The following TRIM37 variants were observed in gnomAD, a reference collection of about 807,000 sequenced individuals.
The protein encoded by TRIM37 is E3 ubiquitin-protein ligase TRIM37.
In TRIM37, 80 loss-of-function variants were observed where a neutral mutation model predicts 129.8. The ratio of observed to expected loss-of-function variants is 0.62; its 90% CI spans 0.51 to 0.74. The LOEUF is 0.74. Among genes scored for constraint, TRIM37 ranks in the 30% least tolerant of loss-of-function variants. The pLI is 0.00. For synonymous variants in TRIM37, 389 were observed against 387.1 expected (o/e 1.00, Z -0.06); for missense variants, 1,054 against 1,176.5 (o/e 0.90, Z 1.52).
intron 24 of TRIM37, chr17:58,984,049 G>C (rs895217012): frequency 6.6e-6 from 1 of 152,566 alleles, no homozygotes; most frequent in Admixed American, 6.5e-5. Flanking sequence ...TCCCATTTAG[G>C]TCTGTACTAA....
chr17:59,022,069 A>G lies in TRIM37; in HGVS notation c.2258-4645T>C, dbSNP rs574094340. Among the ~76,000 whole-genome samples, 90 of 152,310 alleles carry G rather than the reference A, an allele frequency of 5.9e-4. 1 individual carries two copies. In the Middle Eastern group the frequency reaches 0.01, roughly 17 times the overall value. ...TACAGCATAGGAGCAAATAACATATAGTTAAAATAATTTTATAGCATAGAA... is the reference window on the plus strand; with the variant it reads ...TACAGCATAGGAGCAAATAACATATGGTTAAAATAATTTTATAGCATAGAA... On this transcript the variant is annotated intron_variant, in intron 19 of 23. Transcript: ENST00000262294.
chr17:58,971,582 G>T, the TRIM37 span, among the ~76,000 whole-genome samples: 225 of 152,294 alleles, frequency 1.5e-3, no homozygotes, highest in Non-Finnish European at 2.5e-3. Flanking sequence ...AAGCATCTTA[G>T]TACTCCAGGG....
chr17:59,087,367 T>C (rs901225896), intron 4 of TRIM37, among the ~76,000 whole-genome samples: 33 of 152,126 alleles, frequency 2.2e-4, no homozygotes, highest in Admixed American at 8.5e-4. Flanking sequence ...AGTGCTGAGA[T>C]TATAGGCATG....
chr17:58,983,932 G>T (rs1410302341), intron 24 of TRIM37: 1 of 152,548 alleles, frequency 6.6e-6, no homozygotes, highest in African/African-American at 2.4e-5. Flanking sequence ...AGTTTCAAAG[G>T]GAGTCAGTCC....
chr17:58,988,205 CAG>C (rs2031999938), intron 24 of TRIM37, among the ~76,000 whole-genome samples: 2 of 152,146 alleles, frequency 1.3e-5, no homozygotes, highest in Non-Finnish European at 2.9e-5. Context: ...CGGGGGCCTG[CAG>C]AAACTAGGGG....
intron 21 of TRIM37, 148 bp downstream of exon 21, chr17:59,015,462 A>G: frequency 1.1e-6 from 1 of 880,542 alleles, no homozygotes; most frequent in Admixed American, 2.3e-5. Context: ...AAATTAAAAA[A>G]GTTAAAATTT....
At chr17:59,017,129 A>G (rs918581549) in intron 20 of TRIM37, among the ~76,000 whole-genome samples, 167 bp downstream of exon 20, 2 of 152,126 alleles carry the variant, frequency 1.3e-5, no homozygotes, top group Admixed American at 1.3e-4. Context: ...GCACCACTGC[A>G]CTCCAGCCTG....
intron 16 of TRIM37, among the ~76,000 whole-genome samples, chr17:59,044,531 C>T (rs959259476): frequency 4.6e-5 from 7 of 151,944 alleles, no homozygotes; most frequent in African/African-American, 1.7e-4. Flanking sequence ...CACTGCACTC[C>T]AGCCTGGGCG....
intron 20 of TRIM37, among the ~76,000 whole-genome samples, chr17:59,016,082 T>C (rs1464989224): frequency 6.6e-6 from 1 of 152,126 alleles, no homozygotes; most frequent in Non-Finnish European, 1.5e-5. Context: ...ATATATATCA[T>C]TTTAAAACTA....
At position 59,012,453 on chromosome 17, in the gene TRIM37, G is replaced by C. The variant is rs199694001; in HGVS notation, c.2577-7C>G. On this transcript the variant is annotated splice_polypyrimidine_tract_variant and splice_region_variant and intron_variant, in intron 21 of 23. Transcript: ENST00000262294. ...ACCTCCTTTAGCATTAGCCCTCAAA[G>C]AAGAAAACAACTTGATATTTCTCTA... 1,048 of 1,557,920 alleles carry C rather than the reference G, an allele frequency of 6.7e-4. 8 individuals are homozygous for C. In the South Asian group the frequency reaches 7.7e-3, roughly 11 times the overall value.
At chr17:59,032,310 G>C (rs551437932) in intron 17 of TRIM37, among the ~76,000 whole-genome samples, 9 of 151,604 alleles carry the variant, frequency 5.9e-5, no homozygotes. Flanking sequence ...TGGATCATGA[G>C]GTCAGGAGAT....
At chr17:58,985,459 A>G (rs1256812000) in intron 24 of TRIM37, among the ~76,000 whole-genome samples, 1 of 152,230 alleles carries the variant, frequency 6.6e-6, no homozygotes, top group Non-Finnish European at 1.5e-5. Context: ...GCCAAGGACT[A>G]AGCGGTGGTC....
chr17:59,007,158 A>AAC (rs540872393), intron 22 of TRIM37, among the ~76,000 whole-genome samples: 750 of 8,328 alleles, frequency 0.09, 63 homozygotes, highest in East Asian at 0.16. Context: ...CCCACCCTCC[A>AAC]ACACACACAC....
chr17:59,071,395 C>G (rs1038256342), intron 8 of TRIM37, among the ~76,000 whole-genome samples: 4 of 150,980 alleles, frequency 2.6e-5, no homozygotes, highest in African/African-American at 9.8e-5. Context: ...AAGCGATTCT[C>G]CTGCCTCAGC....
At chr17:58,993,828 T>C (rs561756365), downstream of TRIM37, among the ~76,000 whole-genome samples, 4 of 152,132 alleles carry the variant, frequency 2.6e-5, no homozygotes, top group Non-Finnish European at 5.9e-5. Flanking sequence ...ATGTAGACCA[T>C]AACAGATGAA....
At chr17:59,001,132 T>G (rs1598806733) in intron 23 of TRIM37, among the ~76,000 whole-genome samples, 1 of 149,638 alleles carries the variant, frequency 6.7e-6, no homozygotes, top group Non-Finnish European at 1.5e-5. Flanking sequence ...GAGGCGGAGG[T>G]TGCAGTGAGC....
intron 22 of TRIM37, among the ~76,000 whole-genome samples, chr17:59,004,834 TAC>T (rs1802619021): frequency 6.6e-6 from 1 of 152,344 alleles, no homozygotes; most frequent in South Asian, 2.1e-4. Context: ...GCTTCAGTGG[TAC>T]ACTCTTCCTT....
downstream of TRIM37, chr17:58,980,729 C>G (rs1238678730): frequency 1.2e-6 from 2 of 1,614,158 alleles, no homozygotes; most frequent in Admixed American, 3.3e-5. The surrounding 1 kb of genome is among the most constrained non-coding windows in gnomAD (Gnocchi z 4.7). Context: ...GGAAAATGAA[C>G]AGTTCAAATC....
chr17:59,031,622 C>T (rs1296420067), intron 18 of TRIM37, among the ~76,000 whole-genome samples: 1 of 152,156 alleles, frequency 6.6e-6, no homozygotes, highest in Non-Finnish European at 1.5e-5. Context: ...AGAAGATAAC[C>T]GTATTTCATA....
Sources: gnomAD v4.1 joint callset for allele counts (sites outside exome capture counted in the v4.1 genomes callset) on GRCh38, gnomAD v4.1.1 for gene constraint, Gnocchi (gnomAD v3.1) non-coding constraint, MANE v1.5 for transcripts, NCBI Gene and HGNC (gene_info 2026-07-23, HGNC 2026-07-21) for gene names.